MIR2052HG: variants seen among roughly 807,000 people sequenced by gnomAD.
MIR2052HG encodes MIR2052 host gene.
At chr8:74,672,042 A>G (rs1808999184) in intron 2 of MIR2052HG, among the ~76,000 whole-genome samples, 1 of 152,304 alleles carries the variant, frequency 6.6e-6, no homozygotes, top group East Asian at 1.9e-4. Context: ...GTTTTTCTCT[A>G]TAATCCCTGC....
At chr8:74,752,166 C>T (rs1809953567) in intron 4 of MIR2052HG, among the ~76,000 whole-genome samples, 1 of 151,258 alleles carries the variant, frequency 6.6e-6, no homozygotes, top group Admixed American at 6.6e-5. Context: ...CCTATAGACC[C>T]AGCTAGGTGA....
intron 1 of MIR2052HG, among the ~76,000 whole-genome samples, chr8:74,607,041 G>A (rs1438713468): frequency 6.6e-6 from 1 of 151,258 alleles, no homozygotes; most frequent in African/African-American, 2.4e-5. Flanking sequence ...TTGAAAGATT[G>A]GAGAAAAAAG....
intron 2 of MIR2052HG, among the ~76,000 whole-genome samples, chr8:74,677,509 C>A (rs1178206283): frequency 6.6e-6 from 1 of 151,996 alleles, no homozygotes; most frequent in Non-Finnish European, 1.5e-5. Context: ...TAGTCTACCT[C>A]AGGGAAATTA....
chr8:74,755,687 C>A (rs532972221), intron 5 of MIR2052HG, among the ~76,000 whole-genome samples: 1 of 152,106 alleles, frequency 6.6e-6, no homozygotes. Flanking sequence ...TTGGTTCATG[C>A]GCTAAAATGT....
In MIR2052HG at chr8:74,719,100, G is replaced by A. The variant is rs556876817; in HGVS notation, n.371+15418G>A. On this transcript the variant is annotated intron_variant and non_coding_transcript_variant, in intron 4 of 6. Transcript: ENST00000523442. Reference sequence around the variant, plus strand: ...TCTTTTTTTTTTTTTTTCTGTGCACGTAGAAAATACTCACCTATTCCTCAA... The same window carrying A: ...TCTTTTTTTTTTTTTTTCTGTGCACATAGAAAATACTCACCTATTCCTCAA... Among the ~76,000 whole-genome samples the A allele has an allele frequency of 1.2e-4, 18 of 147,078 alleles. No individual in the cohort carries two copies. The South Asian group carries it at 1.9e-3, about 16-fold the overall frequency.
intron 2 of MIR2052HG, among the ~76,000 whole-genome samples, chr8:74,618,826 C>T (rs1187167044): frequency 6.6e-6 from 1 of 152,132 alleles, no homozygotes; most frequent in African/African-American, 2.4e-5. Flanking sequence ...ATAACATGCA[C>T]TCTAACTGGA....
intron 4 of MIR2052HG, among the ~76,000 whole-genome samples, chr8:74,744,471 C>A (rs111252843): frequency 6.6e-5 from 10 of 151,092 alleles, no homozygotes; most frequent in South Asian, 2.1e-4. Context: ...GCTATCCGTC[C>A]CCCCTCCCCC....
intron 4 of MIR2052HG, among the ~76,000 whole-genome samples, chr8:74,741,647 C>T (rs766440315): frequency 1.3e-5 from 2 of 152,056 alleles, no homozygotes; most frequent in Admixed American, 6.6e-5. Context: ...CTGGATCTAC[C>T]GTATTGTTTG....
In MIR2052HG at chr8:74,720,666, G is replaced by A. The variant is rs796637661; in HGVS notation, n.371+16984G>A. On this transcript the variant is annotated intron_variant and non_coding_transcript_variant, in intron 4 of 6. Transcript: ENST00000523442. Reference sequence around the variant, plus strand: ...ATATGTTATGCTAGAGCCTTGCCTTGAATAGTGGTATATTAATCCATTTTC... The same window carrying A: ...ATATGTTATGCTAGAGCCTTGCCTTAAATAGTGGTATATTAATCCATTTTC... 2.6e-4 allele frequency among the ~76,000 whole-genome samples: 39 copies of A among 152,178 alleles called. 1 individual carries two copies. The highest frequency in any genetic ancestry group is 8.9e-4 in the African/African-American group (37 of 41,514).
chr8:74,703,077 A>G (rs1299152088), intron 3 of MIR2052HG, among the ~76,000 whole-genome samples: 1 of 152,054 alleles, frequency 6.6e-6, no homozygotes, highest in East Asian at 1.9e-4. Context: ...CTAGAGTAGC[A>G]GAAGTCACAT....
At chr8:74,621,236 T>A (rs1808357266) in intron 2 of MIR2052HG, among the ~76,000 whole-genome samples, 1 of 152,178 alleles carries the variant, frequency 6.6e-6, no homozygotes, top group South Asian at 2.1e-4. Context: ...TCTAGGAAGT[T>A]CCAAACTTTC....
At chr8:74,723,852 G>A (rs113728526) in intron 4 of MIR2052HG, among the ~76,000 whole-genome samples, 2,426 of 152,236 alleles carry the variant, frequency 0.016, 52 homozygotes, top group African/African-American at 0.055. Context: ...GAAGACTATC[G>A]TCTTGAATTT....
At chr8:74,685,150 TATC>T (rs1244388387) in intron 2 of MIR2052HG, among the ~76,000 whole-genome samples, 1 of 152,152 alleles carries the variant, frequency 6.6e-6, no homozygotes, top group Admixed American at 6.6e-5. Flanking sequence ...AAGTTGCAAC[TATC>T]ATTCTGGAAG....
intron 1 of MIR2052HG, among the ~76,000 whole-genome samples, chr8:74,600,515 G>C (rs1313996114): frequency 6.6e-6 from 1 of 150,760 alleles, no homozygotes. Context: ...CGGGGAGGCG[G>C]AGGTTGTGGT....
chr8:74,651,458 A>G (rs1808751454), intron 2 of MIR2052HG, among the ~76,000 whole-genome samples: 1 of 152,148 alleles, frequency 6.6e-6, no homozygotes, highest in South Asian at 2.1e-4. Flanking sequence ...TTTGTTTGTA[A>G]TAAAATAGTA....
At chr8:74,664,837 T>G (rs570542697) in intron 2 of MIR2052HG, among the ~76,000 whole-genome samples, 127 of 152,274 alleles carry the variant, frequency 8.3e-4, no homozygotes, top group African/African-American at 2.9e-3. Flanking sequence ...CTTTTGTTCT[T>G]TGCTTCCACT....
chr8:74,619,203 A>C (rs1808327065), intron 2 of MIR2052HG, among the ~76,000 whole-genome samples: 1 of 152,178 alleles, frequency 6.6e-6, no homozygotes, highest in South Asian at 2.1e-4. Flanking sequence ...TACCCAAAGC[A>C]ATATACAAAT....
intron 4 of MIR2052HG, among the ~76,000 whole-genome samples, chr8:74,739,147 T>G (rs549109677): frequency 3.2e-4 from 49 of 152,322 alleles, no homozygotes; most frequent in African/African-American, 1.2e-3. Flanking sequence ...AAGCAATCGA[T>G]GTTGTGCTTG....
At chr8:74,701,965 T>C (rs546033070) in intron 2 of MIR2052HG, among the ~76,000 whole-genome samples, 1 of 152,194 alleles carries the variant, frequency 6.6e-6, no homozygotes, top group South Asian at 2.1e-4. Context: ...CAATGAAAGG[T>C]AAATCTTTGA....
Sources: allele counts gnomAD v4.1 joint callset (sites outside exome capture counted in the v4.1 genomes callset), GRCh38; gene constraint gnomAD v4.1.1; transcripts MANE v1.5; gene names NCBI Gene and HGNC (gene_info 2026-07-23, HGNC 2026-07-21).